BTNL3: variants seen among roughly 807,000 people sequenced by gnomAD.
BTNL3 encodes the protein butyrophilin-like protein 3.
Under a neutral mutation model 40.1 loss-of-function variants are expected in BTNL3, and 20 were observed. The observed-to-expected ratio is 0.50, with a 90% confidence interval of 0.35 to 0.72. The LOEUF (loss-of-function observed/expected upper bound fraction) is 0.72. Ranked by LOEUF, BTNL3 falls within the 30% of genes least tolerant of loss-of-function variation. BTNL3 has a pLI of 0.01. For synonymous variants in BTNL3, 179 were observed against 222.1 expected, an observed-to-expected ratio of 0.81 and a Z score of 1.73; for missense variants, 449 against 582.2, an observed-to-expected ratio of 0.77 and a Z score of 2.35.
rs1441221864 is a variant in BTNL3, at chr5:180,992,995, A to G, written c.232A>G (p.Met78Val). The stretch of plus-strand genomic sequence containing the variant: ...TGGGGAAGACTGGGAATCTAAGCAG[A>G]TGCCACAGTATCGAGGGAGAACTGA... ...RDGEDWESKQ[M>V]PQYRGRTEFV... Residue 78 changes from methionine (M) to valine (V), a missense_variant, in exon 2 of 8, where the codon ATG becomes GTG. Coordinates refer to ENST00000342868, the MANE Select transcript of BTNL3 (RefSeq NM_197975.3). 6.8e-7 allele frequency: 1 copy of G among 1,461,470 alleles called. No individual in the cohort carries two copies. The highest frequency in any genetic ancestry group is 9.5e-7 in the Non-Finnish European group (1 of 1,058,092). 90.5% of individuals were successfully genotyped at this position (1,461,470 alleles called of 1,614,324 possible).
At chr5:181,001,514 A>C in intron 3 of BTNL3, among the ~76,000 whole-genome samples, 2 of 124,936 alleles carry the variant, frequency 1.6e-5, no homozygotes, top group Non-Finnish European at 3.6e-5. Flanking sequence ...GGGGGGTCTC[A>C]CTTTGTTGCC....
At chr5:181,002,452 GCA>G (rs35201027) in intron 3 of BTNL3, among the ~76,000 whole-genome samples, 19,427 of 76,276 alleles carry the variant, frequency 0.25, 4,341 homozygotes, top group African/African-American at 0.38. Context: ...GCTTTAACGC[GCA>G]CACACACACA....
chr5:181,000,422 A>C lies in BTNL3; in HGVS notation c.674-2250A>C, dbSNP rs1760090501. Among the ~76,000 whole-genome samples the C allele has an allele frequency of 2.2e-5, 3 of 137,360 alleles. 1 individual carries two copies. The highest frequency in any genetic ancestry group is 7.5e-5 in the African/African-American group (3 of 39,890). 90.1% of individuals were successfully genotyped at this position (137,360 alleles called of 152,430 possible). On this transcript the variant is annotated intron_variant, in intron 3 of 7. Transcript: ENST00000342868. ...TGCTTAATCTGATAAAAAGATATCT[A>C]AAGATACTTGCAGCAAACATCATAC...
rs1043311097 is a variant in BTNL3 at position 181,001,616 on chromosome 5, C to T, written c.674-1056C>T. Among the ~76,000 whole-genome samples the T allele has an allele frequency of 2.2e-5, 3 of 133,672 alleles. 1 individual carries two copies. Among genetic ancestry groups the T allele is most frequent in the Non-Finnish European group, 5.1e-5 (3 of 58,786 alleles). The allele number at this position is 133,672 out of a possible 152,430, so 87.7% of individuals were successfully genotyped here. A position where few individuals can be genotyped will look rare whatever the true frequency, so the allele number is the denominator to read the frequency against. On this transcript the variant is annotated intron_variant, in intron 3 of 7. Coordinates refer to ENST00000342868, the MANE Select transcript of BTNL3 (RefSeq NM_197975.3). ...ATCCCAGCACTTTGGGAGGCCGAGA[C>T]GGGAGGATCACGAGGTTAGGAGATC...
rs1439840721 is a variant in BTNL3, at chr5:181,006,326, T to G, written c.*454T>G. 2 of 272,702 alleles carry G rather than the reference T, an allele frequency of 7.3e-6. No homozygotes were observed. The highest frequency in any genetic ancestry group is 2.2e-5 in the African/African-American group (1 of 45,760). 16.9% of individuals were successfully genotyped at this position (272,702 alleles called of 1,614,324 possible). A position where few individuals can be genotyped will look rare whatever the true frequency, so the allele number is the denominator to read the frequency against. Reference sequence around the variant, plus strand: ...GTTTGCTAATGATGTGTTTTTATATTATACATTTTCCCACCATAAACTCTG... The same window carrying G: ...GTTTGCTAATGATGTGTTTTTATATGATACATTTTCCCACCATAAACTCTG... On this transcript the variant is annotated 3_prime_UTR_variant, in exon 8 of 8. Transcript: ENST00000342868.
chr5:180,988,974 T>C lies in BTNL3; in HGVS notation c.-55T>C, dbSNP rs940541859. 3.2e-5 allele frequency: 46 copies of C among 1,420,274 alleles called. 10 individuals are homozygous for C. In the African/African-American group the frequency reaches 6.3e-4, roughly 19 times the overall value. 88.0% of individuals were successfully genotyped at this position (1,420,274 alleles called of 1,614,324 possible). A position where few individuals can be genotyped will look rare whatever the true frequency, so the allele number is the denominator to read the frequency against. On this transcript the variant is annotated 5_prime_UTR_variant, in exon 1 of 8. Coordinates refer to ENST00000342868, the MANE Select transcript of BTNL3 (RefSeq NM_197975.3). ...GCTGGCCTGACCTCCAAATCATCCATCCACCCCTGCTGTCATCTGTTTTCA... is the reference window on the plus strand; with the variant it reads ...GCTGGCCTGACCTCCAAATCATCCACCCACCCCTGCTGTCATCTGTTTTCA...
At chr5:181,002,108 A>C (rs1760121514) in intron 3 of BTNL3, among the ~76,000 whole-genome samples, 1 of 133,758 alleles carries the variant, frequency 7.5e-6, no homozygotes, top group Non-Finnish European at 1.7e-5. Flanking sequence ...TCTCAGAGAC[A>C]TATCCCAAAG....
At chr5:180,999,630 T>A (rs1760079914) in intron 3 of BTNL3, among the ~76,000 whole-genome samples, 1 of 135,580 alleles carries the variant, frequency 7.4e-6, no homozygotes, top group South Asian at 2.2e-4. Flanking sequence ...CGAAACCCCA[T>A]CTCTACTAAA....
chr5:181,000,176 A>G (rs1760086719), intron 3 of BTNL3, among the ~76,000 whole-genome samples: 1 of 137,134 alleles, frequency 7.3e-6, no homozygotes, highest in African/African-American at 2.5e-5. Context: ...ACAAAAACAT[A>G]TATCATGACC....
chr5:180,992,113 T>C (rs1325645128), intron 1 of BTNL3, among the ~76,000 whole-genome samples: 1 of 136,628 alleles, frequency 7.3e-6, no homozygotes, highest in Non-Finnish European at 1.7e-5. Flanking sequence ...TGGAGTAAAA[T>C]GTAGGTGTCA....
intron 4 of BTNL3, 51 bp downstream of exon 4, chr5:181,002,836 G>A: frequency 7.0e-7 from 1 of 1,425,302 alleles, no homozygotes; most frequent in Admixed American, 1.9e-5. Flanking sequence ...GGTTCCAGTG[G>A]AGCTGATATC....
At chr5:180,996,270 G>T (rs559600571) in intron 2 of BTNL3, among the ~76,000 whole-genome samples, 3 of 136,426 alleles carry the variant, frequency 2.2e-5, no homozygotes, top group African/African-American at 5.0e-5. Flanking sequence ...TGCACCTGCC[G>T]TTCCCCTTCT....
At chr5:181,003,054 C>A (rs1277259525) in intron 4 of BTNL3, among the ~76,000 whole-genome samples, 1 of 135,746 alleles carries the variant, frequency 7.4e-6, no homozygotes, top group Non-Finnish European at 1.7e-5. Flanking sequence ...ATAAAGAGTT[C>A]ACATAAATTT....
chr5:181,005,181 G>A (rs1760197687), intron 7 of BTNL3, among the ~76,000 whole-genome samples, 153 bp from the exon 8 acceptor site: 1 of 152,088 alleles, frequency 6.6e-6, no homozygotes, highest in Admixed American at 6.5e-5. Flanking sequence ...TGAGGCACGG[G>A]GGCTGCCCTG....
chr5:180,989,003 T>A lies in BTNL3; in HGVS notation c.-26T>A, dbSNP rs754075818. On this transcript the variant is annotated 5_prime_UTR_variant, in exon 1 of 8. Coordinates refer to ENST00000342868, the MANE Select transcript of BTNL3 (RefSeq NM_197975.3). ...CCCCTGCTGTCATCTGTTTTCATAGTGTGAGATCAACCCACAGGAATATCC... is the reference window on the plus strand; with the variant it reads ...CCCCTGCTGTCATCTGTTTTCATAGAGTGAGATCAACCCACAGGAATATCC... The A allele has an allele frequency of 9.7e-6, 14 of 1,441,954 alleles. 4 individuals carry two copies. 89.3% of individuals were successfully genotyped at this position (1,441,954 alleles called of 1,614,324 possible). A position where few individuals can be genotyped will look rare whatever the true frequency, so the allele number is the denominator to read the frequency against.
In BTNL3 at chr5:181,003,204, A is replaced by T. The variant is rs1024059924; in HGVS notation, c.787+419A>T. ...GAACTCCTCTCTACAAAAAATTTTTAAAAAATAAAATAAAATAATTAGCTG... is the reference window on the plus strand; with the variant it reads ...GAACTCCTCTCTACAAAAAATTTTTTAAAAATAAAATAAAATAATTAGCTG... On this transcript the variant is annotated intron_variant, in intron 4 of 7. Transcript: ENST00000342868. Among the ~76,000 whole-genome samples the T allele has an allele frequency of 6.0e-5, 8 of 133,952 alleles. 1 individual carries two copies. Among genetic ancestry groups the T allele is most frequent in the African/African-American group, 2.0e-4 (8 of 39,074 alleles). 87.9% of individuals were successfully genotyped at this position (133,952 alleles called of 152,430 possible).
chr5:181,005,533 T>A lies in BTNL3; in HGVS notation c.1062T>A (p.Tyr354Ter). ...EVDVGQNVGW[Y>*]VGVCRDDVDR... ...ACGTGGGACAAAATGTAGGGTGGTA[T>A]GTGGGAGTGTGTCGGGATGACGTAG... Residue 354 changes from tyrosine to a stop codon, truncating the protein, a stop_gained, in exon 8 of 8, where the codon TAT (tyrosine) becomes TAA (stop). Coordinates refer to ENST00000342868, the MANE Select transcript of BTNL3 (RefSeq NM_197975.3). LOFTEE classifies it low-confidence loss of function (END_TRUNC). 1.2e-6 allele frequency: 2 copies of A among 1,614,050 alleles called. No individual in the cohort carries two copies. The highest frequency in any genetic ancestry group is 1.7e-6 in the Non-Finnish European group (2 of 1,180,020).
At chr5:181,004,394 T>C in intron 5 of BTNL3, 23 bp from the exon 6 acceptor site, 1 of 1,090,504 alleles carries the variant, frequency 9.2e-7, no homozygotes, top group Non-Finnish European at 1.3e-6. Flanking sequence ...TACATGTTTT[T>C]TGTTTTTGTT....
Position 180,989,076 on chromosome 5 carries a change from A to T in BTNL3, c.48A>T (p.Ser16=). 6.9e-7 allele frequency: 1 copy of T among 1,443,312 alleles called. No individual in the cohort carries two copies. The highest frequency in any genetic ancestry group is 1.2e-5 in the South Asian group (1 of 86,860). 89.4% of individuals were successfully genotyped at this position (1,443,312 alleles called of 1,614,324 possible). A position where few individuals can be genotyped will look rare whatever the true frequency, so the allele number is the denominator to read the frequency against. ...ILVLSFYELV[S]GQWQVTGPGK... ...TTCTCAGTTTCTACGAGCTGGTGTC[A>T]GGTAAGCCTTTCAGTTTGGACTGTT... The change falls in exon 1 of 8, where the codon TCA becomes TCT. Residue 16 remains serine (S), a splice_region_variant and synonymous_variant. Transcript: ENST00000342868.
Sources: gnomAD v4.1 joint callset for allele counts (sites outside exome capture counted in the v4.1 genomes callset) on GRCh38, gnomAD v4.1.1 for gene constraint, MANE v1.5 for transcripts, NCBI Gene and HGNC (gene_info 2026-07-23, HGNC 2026-07-21) for gene names.